TTC3: variants seen among roughly 807,000 people sequenced by gnomAD.
TTC3 encodes the protein E3 ubiquitin-protein ligase TTC3.
TTC3 carries 180 observed loss-of-function variants against 249.6 expected under a neutral mutation model. That is an observed-to-expected ratio of 0.72 (90% confidence interval 0.64 to 0.82). The LOEUF is 0.82. TTC3 is among the 40% of genes least tolerant of loss of function. The pLI, the probability that TTC3 is intolerant of heterozygous loss-of-function variation, is 0.00. For synonymous variants in TTC3, 717 were observed against 805.0 expected (o/e 0.89, Z 1.85); for missense variants, 2,061 against 2,398.4 (o/e 0.86, Z 2.94).
At chr21:37,135,252 G>C in intron 17 of TTC3, 128 bp from the exon 18 acceptor site, 1 of 971,570 alleles carries the variant, frequency 1.0e-6, no homozygotes, top group South Asian at 1.8e-5. Context: ...TGATGAATAA[G>C]GGTAGTTTGG....
intron 5 of TTC3, among the ~76,000 whole-genome samples, chr21:37,089,984 CAA>C (rs35551483): frequency 7.0e-6 from 1 of 141,898 alleles, no homozygotes; most frequent in African/African-American, 2.6e-5. Context: ...GACCCTGTCT[CAA>C]AAAAAAAAAA....
chr21:37,095,498 A>G (rs1223368516), intron 9 of TTC3, 54 bp downstream of exon 9: 15 of 1,169,736 alleles, frequency 1.3e-5, no homozygotes, highest in Admixed American at 2.3e-5. Context: ...TCAAGTTAGA[A>G]TGGTAGTCAG....
At chr21:37,194,062 A>G (rs2084552968) in intron 41 of TTC3, 2 of 152,324 alleles carry the variant, frequency 1.3e-5, no homozygotes, top group South Asian at 4.2e-4. Flanking sequence ...CTGTAATAGA[A>G]GCCCAGTATG....
chr21:37,106,780 C>T (rs1160222379), intron 10 of TTC3, among the ~76,000 whole-genome samples: 1 of 152,134 alleles, frequency 6.6e-6, no homozygotes, highest in Non-Finnish European at 1.5e-5. Context: ...GCCTATATTC[C>T]CAGCTACTCA....
At chr21:37,081,463 T>C (rs1261299142) in intron 1 of TTC3, 1 of 152,168 alleles carries the variant, frequency 6.6e-6, no homozygotes. Flanking sequence ...TTAGTTACAT[T>C]GGATTTTCTG....
At chr21:37,166,641 T>A (rs771753687) in intron 33 of TTC3, 26 bp downstream of exon 33, 4 of 1,558,678 alleles carry the variant, frequency 2.6e-6, no homozygotes, top group Non-Finnish European at 3.5e-6. Context: ...AAAAGTCTTC[T>A]TAATACTGAA....
At chr21:37,158,166 G>C (rs2080298269) in intron 28 of TTC3, 5 of 985,410 alleles carry the variant, frequency 5.1e-6, no homozygotes, top group Non-Finnish European at 6.0e-6. Flanking sequence ...CATGCTACTT[G>C]ATAGCCTGAA....
chr21:37,090,128 G>T, intron 5 of TTC3, 105 bp from the exon 6 acceptor site: 3 of 727,206 alleles, frequency 4.1e-6, no homozygotes, highest in Non-Finnish European at 6.9e-6. Context: ...GTGTACTACT[G>T]AGTACATATA....
At chr21:37,184,861 C>T (rs2083094510) in intron 36 of TTC3, among the ~76,000 whole-genome samples, 1 of 152,098 alleles carries the variant, frequency 6.6e-6, no homozygotes, top group Non-Finnish European at 1.5e-5. Flanking sequence ...ATCTCTTTCT[C>T]AGAGATGCAC....
exon 12 of TTC3, chr21:37,121,888 A>G (rs767781022): frequency 1.2e-6 from 2 of 1,613,340 alleles, no homozygotes; most frequent in East Asian, 2.2e-5. Flanking sequence ...CAAACATAAA[A>G]GCTCAAAAAC....
chr21:37,080,664 A>G (rs2071512119), intron 1 of TTC3, among the ~76,000 whole-genome samples: 1 of 152,182 alleles, frequency 6.6e-6, no homozygotes, highest in Admixed American at 6.5e-5. Context: ...TGCAAGCTTA[A>G]CATTTTTTTC....
At chr21:37,101,918 T>TTTTA (rs138331409) in intron 10 of TTC3, among the ~76,000 whole-genome samples, 2 of 147,392 alleles carry the variant, frequency 1.4e-5, no homozygotes, top group Non-Finnish European at 3.0e-5. Flanking sequence ...AGTATATAGT[T>TTTTA]TATATATATA....
exon 33 of TTC3, chr21:37,165,839 C>G: frequency 1.9e-6 from 3 of 1,614,130 alleles, no homozygotes; most frequent in Non-Finnish European, 2.5e-6. Flanking sequence ...ACAACTGAAT[C>G]CAGCTGCTAG....
At chr21:37,106,406 T>C (rs978941384) in intron 10 of TTC3, among the ~76,000 whole-genome samples, 1 of 152,240 alleles carries the variant, frequency 6.6e-6, no homozygotes, top group African/African-American at 2.4e-5. Context: ...CTAATTTTAA[T>C]GTAGTACAGT....
chr21:37,101,092 T>C (rs1027971571), intron 10 of TTC3: 4 of 152,248 alleles, frequency 2.6e-5, no homozygotes, highest in Admixed American at 2.6e-4. Flanking sequence ...TTGGAGAAAG[T>C]GAATGCTTAG....
chr21:37,087,498 T>A, intron 2 of TTC3, 97 bp downstream of exon 2: 1 of 1,446,842 alleles, frequency 6.9e-7, no homozygotes, highest in Non-Finnish European at 9.5e-7. Context: ...GGTACGTGCG[T>A]TTTGACAGGG....
At chr21:37,085,630 A>G (rs192836822) in intron 1 of TTC3, among the ~76,000 whole-genome samples, 2 of 152,352 alleles carry the variant, frequency 1.3e-5, no homozygotes, top group Admixed American at 6.5e-5. Flanking sequence ...CGACCCAGGT[A>G]GTGATCTGAG....
chr21:37,192,008 G>T, intron 40 of TTC3, 104 bp from the exon 41 acceptor site: 2 of 706,792 alleles, frequency 2.8e-6, no homozygotes, highest in South Asian at 4.3e-5. Flanking sequence ...GTCTTATTTT[G>T]AATTTCCTTA....
At position 37,155,813 on chromosome 21, in the gene TTC3, G is replaced by C. The variant is rs1465109040; in HGVS notation, c.2741-842G>C. 2.6e-5 allele frequency among the ~76,000 whole-genome samples: 4 copies of C among 152,160 alleles called. No individual in the cohort carries two copies. In the East Asian group the frequency reaches 7.7e-4, roughly 29 times the overall value. Reference sequence around the variant, plus strand: ...TAAAAGTAGGCATACTGACCACCTTGATTTTTGTAGAGAGGGGTGAGGACC... The same window carrying C: ...TAAAAGTAGGCATACTGACCACCTTCATTTTTGTAGAGAGGGGTGAGGACC... On this transcript the variant is annotated intron_variant, in intron 27 of 45. Transcript: ENST00000355666.
Sources: allele counts gnomAD v4.1 joint callset (sites outside exome capture counted in the v4.1 genomes callset), GRCh38; gene constraint gnomAD v4.1.1; transcripts MANE v1.5; gene names NCBI Gene and HGNC (gene_info 2026-07-23, HGNC 2026-07-21).